The following DLGAP1 variants were observed in gnomAD, a reference collection of about 807,000 sequenced individuals.
The protein encoded by DLGAP1 is disks large-associated protein 1.
A neutral mutation model predicts 90.8 loss-of-function variants in DLGAP1; 11 were observed. The ratio of observed to expected loss-of-function variants is 0.12; its 90% CI spans 0.08 to 0.20. The LOEUF is 0.20. Among genes scored for constraint, DLGAP1 ranks in the 10% least tolerant of loss-of-function variants. The pLI, the probability that DLGAP1 is intolerant of heterozygous loss-of-function variation, is 1.00. For synonymous variants in DLGAP1, 558 were observed against 540.7 expected, an observed-to-expected ratio of 1.03 and a Z score of -0.44; for missense variants, 1,050 against 1,333.8, an observed-to-expected ratio of 0.79 and a Z score of 3.31.
chr18:3,517,018 C>A lies in DLGAP1; in HGVS notation c.2480-8357G>T, dbSNP rs1275915333. On this transcript the variant is annotated intron_variant, in intron 10 of 12. Transcript: ENST00000315677. This position sits in a 1 kb window ranked among gnomAD's most constrained non-coding sequence, Gnocchi z 4.1. ...TGAGCAGCAATATTTTGGAAGAAAT[C>A]TTTTTTTCTGAGCCATAGGTCTCAA... 6.6e-6 allele frequency among the ~76,000 whole-genome samples: 1 copy of A among 152,156 alleles called. No individual in the cohort carries two copies. The highest frequency in any genetic ancestry group is 1.5e-5 in the Non-Finnish European group (1 of 67,994).
chr18:4,285,617 C>T (rs1249983105), intron 1 of DLGAP1, among the ~76,000 whole-genome samples: 3 of 152,176 alleles, frequency 2.0e-5, no homozygotes, highest in Admixed American at 2.0e-4. Flanking sequence ...GATTCACAGA[C>T]TCCAGGGCAG....
At chr18:4,367,673 C>A (rs530482879) in intron 1 of DLGAP1, among the ~76,000 whole-genome samples, 1 of 152,156 alleles carries the variant, frequency 6.6e-6, no homozygotes, top group South Asian at 2.1e-4. Flanking sequence ...CATGGTGAAA[C>A]CCCATTTCTA....
chr18:4,412,900 A>C (rs1345665841), intron 1 of DLGAP1, among the ~76,000 whole-genome samples: 1 of 152,250 alleles, frequency 6.6e-6, no homozygotes, highest in Non-Finnish European at 1.5e-5. Context: ...CTAGACATGC[A>C]CAGGCAATGC....
At chr18:3,645,698 G>A (rs917667011) in intron 7 of DLGAP1, among the ~76,000 whole-genome samples, 1 of 152,132 alleles carries the variant, frequency 6.6e-6, no homozygotes, top group African/African-American at 2.4e-5. Context: ...ATATATTCCT[G>A]CCATTGCATT....
At chr18:3,558,632 T>G (rs1178173196) in intron 9 of DLGAP1, among the ~76,000 whole-genome samples, 2 of 152,226 alleles carry the variant, frequency 1.3e-5, no homozygotes, top group African/African-American at 2.4e-5. Context: ...TCTTTATCCC[T>G]GATAATTTTC....
chr18:3,816,124 A>G lies in DLGAP1; in HGVS notation c.958-1851T>C, dbSNP rs147982164. 4.0e-3 allele frequency among the ~76,000 whole-genome samples: 617 copies of G among 152,346 alleles called. 11 individuals are homozygous for G. The highest frequency in any genetic ancestry group is 0.014 in the African/African-American group (585 of 41,588). On this transcript the variant is annotated intron_variant, in intron 4 of 12. Coordinates refer to ENST00000315677, the MANE Select transcript of DLGAP1 (RefSeq NM_004746.4). Reference sequence around the variant, plus strand: ...TTGCCTATAAGATCTCATTTCATCAATACAACAACCTGTGCATATTTTTCT... The same window carrying G: ...TTGCCTATAAGATCTCATTTCATCAGTACAACAACCTGTGCATATTTTTCT...
chr18:4,155,030 A>G (rs545284772), intron 1 of DLGAP1, among the ~76,000 whole-genome samples: 1 of 152,208 alleles, frequency 6.6e-6, no homozygotes, highest in South Asian at 2.1e-4. Context: ...AAGAGGTATC[A>G]GAAGTGCATA....
At chr18:4,145,363 T>C (rs915093969) in intron 2 of DLGAP1, among the ~76,000 whole-genome samples, 4 of 152,210 alleles carry the variant, frequency 2.6e-5, no homozygotes. Flanking sequence ...AATAGTGAAA[T>C]AGTAAGATTT....
At chr18:3,935,528 G>A (rs1487909599) in intron 3 of DLGAP1, among the ~76,000 whole-genome samples, 5 of 152,132 alleles carry the variant, frequency 3.3e-5, no homozygotes, top group Non-Finnish European at 7.4e-5. Context: ...AAGTTACTAC[G>A]TCTCAGGATG....
At chr18:3,797,181 A>C (rs1172280976) in intron 5 of DLGAP1, among the ~76,000 whole-genome samples, 1 of 152,050 alleles carries the variant, frequency 6.6e-6, no homozygotes, top group Non-Finnish European at 1.5e-5. Flanking sequence ...AAATACAAAA[A>C]ATTAGCTGGG....
intron 5 of DLGAP1, among the ~76,000 whole-genome samples, chr18:3,752,864 T>C (rs778473301): frequency 1.3e-5 from 2 of 152,058 alleles, no homozygotes; most frequent in Non-Finnish European, 2.9e-5. Context: ...CAGTACTTCA[T>C]TCCTTTGTAT....
At chr18:4,205,786 A>T (rs1370214459) in intron 1 of DLGAP1, among the ~76,000 whole-genome samples, 1 of 152,220 alleles carries the variant, frequency 6.6e-6, no homozygotes, top group Non-Finnish European at 1.5e-5. Flanking sequence ...TTTCCATTTC[A>T]CCCCAAATAC....
At chr18:4,048,235 T>C (rs1020185446) in intron 2 of DLGAP1, among the ~76,000 whole-genome samples, 1 of 152,266 alleles carries the variant, frequency 6.6e-6, no homozygotes, top group Admixed American at 6.5e-5. Context: ...AAAAACATTT[T>C]TTCAGCCATT....
At chr18:4,200,464 TATTA>T (rs1320676617) in intron 1 of DLGAP1, among the ~76,000 whole-genome samples, 1 of 151,772 alleles carries the variant, frequency 6.6e-6, no homozygotes, top group Non-Finnish European at 1.5e-5. Context: ...ACCAACATCT[TATTA>T]ATTACAATTT....
At chr18:4,377,407 C>T (rs1598313820) in intron 1 of DLGAP1, among the ~76,000 whole-genome samples, 1 of 152,210 alleles carries the variant, frequency 6.6e-6, no homozygotes, top group South Asian at 2.1e-4. Context: ...TTAAAAATGT[C>T]AAGTATTTAT....
chr18:3,845,408 T>A, intron 4 of DLGAP1: 1 of 1,384,086 alleles, frequency 7.2e-7, no homozygotes, highest in Non-Finnish European at 9.4e-7. Context: ...GGAGAGTGGT[T>A]GGTCATGGCT....
At chr18:3,576,435 A>G (rs1345993953) in intron 8 of DLGAP1, among the ~76,000 whole-genome samples, 2 of 150,678 alleles carry the variant, frequency 1.3e-5, no homozygotes, top group Admixed American at 6.6e-5. Flanking sequence ...ATTTTTTTGT[A>G]TTTTTAGTAG....
intron 1 of DLGAP1, among the ~76,000 whole-genome samples, chr18:4,331,943 G>A (rs2080962057): frequency 6.6e-6 from 1 of 151,854 alleles, no homozygotes; most frequent in Non-Finnish European, 1.5e-5. Context: ...AGGAAATGGT[G>A]AGCCTAAAGA....
chr18:4,410,091 G>A (rs1382473639), intron 1 of DLGAP1, among the ~76,000 whole-genome samples: 1 of 152,188 alleles, frequency 6.6e-6, no homozygotes, highest in East Asian at 1.9e-4. Context: ...TCACTGATAT[G>A]TGGGAGGTAT....
Sources: gnomAD v4.1 joint callset for allele counts (sites outside exome capture counted in the v4.1 genomes callset) on GRCh38, gnomAD v4.1.1 for gene constraint, Gnocchi (gnomAD v3.1) non-coding constraint, MANE v1.5 for transcripts, NCBI Gene and HGNC (gene_info 2026-07-23, HGNC 2026-07-21) for gene names.